RAB8B: variants seen among roughly 807,000 people sequenced by gnomAD.
The protein encoded by RAB8B is ras-related protein Rab-8B.
Under a neutral mutation model 32.0 loss-of-function variants are expected in RAB8B, and 11 were observed. The observed-to-expected ratio is 0.34, with a 90% CI of 0.22 to 0.57. The LOEUF is 0.57. Among genes scored for constraint, RAB8B ranks in the 20% least tolerant of loss-of-function variants. The pLI is 0.86. For synonymous variants in RAB8B, 103 were observed against 89.6 expected, an observed-to-expected ratio of 1.15 and a Z score of -0.85; for missense variants, 190 against 258.5, an observed-to-expected ratio of 0.73 and a Z score of 1.82.
chr15:63,248,643 G>T lies in RAB8B; in HGVS notation c.186-1002G>T, dbSNP rs2038090736. ...ATGCTGGTAACACCCCCAGCCAGTA[G>T]CCCACCCTAATGGGCTGTGGTAGAC... On this transcript the variant is annotated intron_variant, in intron 2 of 7. Coordinates refer to ENST00000321437, the MANE Select transcript of RAB8B (RefSeq NM_016530.3). This position sits in a 1 kb window ranked among gnomAD's most constrained non-coding sequence, Gnocchi z 4.4. Among the ~76,000 whole-genome samples, 1 of 152,222 alleles carries T rather than the reference G, an allele frequency of 6.6e-6. No homozygotes were observed. Among genetic ancestry groups the T allele is most frequent in the Non-Finnish European group, 1.5e-5 (1 of 68,038 alleles).
intron 1 of RAB8B, among the ~76,000 whole-genome samples, chr15:63,238,640 G>A (rs932473021): frequency 6.6e-6 from 1 of 152,078 alleles, no homozygotes; most frequent in African/African-American, 2.4e-5. Context: ...AGATAGGTTT[G>A]AGTATTATAT....
chr15:63,198,863 T>G (rs1212346913), intron 1 of RAB8B, among the ~76,000 whole-genome samples: 2 of 152,214 alleles, frequency 1.3e-5, no homozygotes, highest in African/African-American at 4.8e-5. Flanking sequence ...TCTAATCTCC[T>G]TATGCACACA....
Position 63,263,760 on chromosome 15 carries a change from C to A in RAB8B, c.*141C>A, listed in dbSNP as rs2038220888. 1.7e-6 allele frequency: 1 copy of A among 577,104 alleles called. No homozygotes were observed. Among genetic ancestry groups the A allele is most frequent in the Non-Finnish European group, 3.0e-6 (1 of 330,782 alleles). 35.7% of individuals were successfully genotyped at this position (577,104 alleles called of 1,614,324 possible). A position where few individuals can be genotyped will look rare whatever the true frequency, so the allele number is the denominator to read the frequency against. ...AACTTAGACCTCTCAACACAGTATG[C>A]CAAGTGGATTCCAGCCTCATGGCCT... On this transcript the variant is annotated 3_prime_UTR_variant, in exon 8 of 8. Transcript: ENST00000321437.
chr15:63,205,342 A>G (rs2037689410), intron 1 of RAB8B, among the ~76,000 whole-genome samples: 1 of 152,060 alleles, frequency 6.6e-6, no homozygotes, highest in African/African-American at 2.4e-5. Flanking sequence ...AATAAATACA[A>G]TTTAAAAATT....
At chr15:63,207,306 C>T (rs1351414720) in intron 1 of RAB8B, among the ~76,000 whole-genome samples, 6 of 152,080 alleles carry the variant, frequency 3.9e-5, no homozygotes, top group Non-Finnish European at 7.3e-5. Flanking sequence ...TATAAGTGCT[C>T]GAAAGCTCCC....
At chr15:63,220,171 T>C (rs1304940381) in intron 1 of RAB8B, among the ~76,000 whole-genome samples, 3 of 152,200 alleles carry the variant, frequency 2.0e-5, no homozygotes, top group Non-Finnish European at 4.4e-5. Context: ...TTTTTAAAAA[T>C]CACCCGAACC....
At chr15:63,194,641 ATTG>A (rs1336656904) in intron 1 of RAB8B, among the ~76,000 whole-genome samples, 4 of 152,294 alleles carry the variant, frequency 2.6e-5, no homozygotes, top group African/African-American at 9.6e-5. Context: ...TATGTTAGTA[ATTG>A]TTGTAGCTTA....
At position 63,196,023 on chromosome 15, in the gene RAB8B, A is replaced by G. The variant is rs115530827; in HGVS notation, c.124+6275A>G. Among the ~76,000 whole-genome samples, 1,088 of 152,276 alleles carry G rather than the reference A, an allele frequency of 7.1e-3. 11 individuals are homozygous for G. Among genetic ancestry groups the G allele is most frequent in the African/African-American group, 0.024 (1,009 of 41,540 alleles). On this transcript the variant is annotated intron_variant, in intron 1 of 7. Transcript: ENST00000321437. ...CAGCAGGGTGTGATGTGGACCCTGG[A>G]TTGTATGTATTCCCTCTCTTAGGGC...
intron 1 of RAB8B, among the ~76,000 whole-genome samples, chr15:63,202,781 G>C (rs999752619): frequency 1.3e-5 from 2 of 152,152 alleles, no homozygotes; most frequent in African/African-American, 4.8e-5. Flanking sequence ...TAAAAACCTT[G>C]TTTGGCAAAG....
chr15:63,213,005 C>T (rs1239715273), intron 1 of RAB8B, among the ~76,000 whole-genome samples: 4 of 152,156 alleles, frequency 2.6e-5, no homozygotes, highest in African/African-American at 9.7e-5. Flanking sequence ...TGGCAGAGGC[C>T]TAAAGCATGT....
intron 2 of RAB8B, among the ~76,000 whole-genome samples, chr15:63,246,625 G>C (rs1466205930): frequency 1.3e-5 from 2 of 152,142 alleles, no homozygotes; most frequent in Admixed American, 1.3e-4. Context: ...ACCTCCACGT[G>C]TCTCACTCTC....
In RAB8B at chr15:63,265,817, A is replaced by T. The variant is rs2038241724; in HGVS notation, c.*2198A>T. On this transcript the variant is annotated 3_prime_UTR_variant, in exon 8 of 8. Coordinates refer to ENST00000321437, the MANE Select transcript of RAB8B (RefSeq NM_016530.3). This position sits in a 1 kb window ranked among gnomAD's most constrained non-coding sequence, Gnocchi z 4.9. ...TTCTTTTGTCTTATATGGATTAATA[A>T]CTAGTCTCCATGAACTTCACTTGAA... 6.6e-6 allele frequency: 1 copy of T among 152,548 alleles called. No individual in the cohort carries two copies. Among genetic ancestry groups the T allele is most frequent in the Admixed American group, 6.5e-5 (1 of 15,274 alleles). 9.4% of individuals were successfully genotyped at this position (152,548 alleles called of 1,614,324 possible). A position where few individuals can be genotyped will look rare whatever the true frequency, so the allele number is the denominator to read the frequency against.
chr15:63,213,535 G>A (rs1329434522), intron 1 of RAB8B, among the ~76,000 whole-genome samples: 1 of 152,002 alleles, frequency 6.6e-6, no homozygotes, highest in African/African-American at 2.4e-5. Context: ...GACTATAGAT[G>A]ATACCACTTT....
At chr15:63,251,997 G>A (rs957689090) in intron 3 of RAB8B, among the ~76,000 whole-genome samples, 4 of 152,018 alleles carry the variant, frequency 2.6e-5, no homozygotes, top group African/African-American at 9.7e-5. Context: ...CATAGGCATA[G>A]CAGTGATCCT....
At position 63,219,004 on chromosome 15, in the gene RAB8B, AT is replaced by A. The variant is rs71131152; in HGVS notation, c.125-25723del. On this transcript the variant is annotated intron_variant, in intron 1 of 7. Coordinates refer to ENST00000321437, the MANE Select transcript of RAB8B (RefSeq NM_016530.3). Reference sequence around the variant, plus strand: ...AAATGATCTTTTCTTCCAGCAGTGGATTTTTTTTTTTTTTTTTTTTTTTTTT... The same window carrying A: ...AAATGATCTTTTCTTCCAGCAGTGGATTTTTTTTTTTTTTTTTTTTTTTTT... Among the ~76,000 whole-genome samples, 507 of 94,540 alleles carry A rather than the reference AT, an allele frequency of 5.4e-3. 2 individuals carry two copies. The highest frequency in any genetic ancestry group is 0.019 in the African/African-American group (470 of 24,172). The allele number at this position is 94,540 out of a possible 152,430, so 62.0% of individuals were successfully genotyped here.
intron 1 of RAB8B, among the ~76,000 whole-genome samples, chr15:63,216,310 C>G (rs1236420314): frequency 6.7e-6 from 1 of 149,960 alleles, no homozygotes; most frequent in Non-Finnish European, 1.5e-5. Flanking sequence ...CTCACTGCAA[C>G]CTCCGCCTCC....
At chr15:63,249,774 T>G in intron 3 of RAB8B, 69 bp downstream of exon 3, 3 of 1,475,262 alleles carry the variant, frequency 2.0e-6, no homozygotes, top group Non-Finnish European at 2.8e-6. Flanking sequence ...TTGCCAAGAT[T>G]ATAGGATTCA....
At chr15:63,238,119 C>A (rs12908512) in intron 1 of RAB8B, among the ~76,000 whole-genome samples, 20,949 of 151,880 alleles carry the variant, frequency 0.14, 1,901 homozygotes, top group East Asian at 0.47. Flanking sequence ...TAGTACCATG[C>A]CATTTTGGTT....
chr15:63,223,752 A>T (rs190012980), intron 1 of RAB8B: 1 of 262,888 alleles, frequency 3.8e-6, no homozygotes, highest in African/African-American at 2.2e-5. Context: ...GTGACACATG[A>T]CTGTATTTGA....
Sources: allele counts gnomAD v4.1 joint callset (sites outside exome capture counted in the v4.1 genomes callset), GRCh38; gene constraint gnomAD v4.1.1; non-coding constraint Gnocchi (gnomAD v3.1); transcripts MANE v1.5; gene names NCBI Gene and HGNC (gene_info 2026-07-23, HGNC 2026-07-21).